The following PRDM16 variants were observed in gnomAD, a reference collection of about 807,000 sequenced individuals.
The protein encoded by PRDM16 is PR/SET domain 16, also known as histone-lysine N-methyltransferase PRDM16.
Under a neutral mutation model 110.6 loss-of-function variants are expected in PRDM16, and 23 were observed. The ratio of observed to expected loss-of-function variants is 0.21; its 90% CI spans 0.15 to 0.29. The LOEUF (loss-of-function observed/expected upper bound fraction) is 0.29, where lower values mean the gene tolerates loss of function less well. Ranked by LOEUF, PRDM16 falls within the 10% of genes least tolerant of loss-of-function variation. PRDM16 has a pLI of 1.00. For synonymous variants in PRDM16, 799 were observed against 781.8 expected (o/e 1.02, Z -0.37); for missense variants, 1,615 against 1,794.3 (o/e 0.90, Z 1.81).
At chr1:3,283,240 G>C (rs978270363) in intron 3 of PRDM16, among the ~76,000 whole-genome samples, 2 of 152,164 alleles carry the variant, frequency 1.3e-5, no homozygotes, top group Non-Finnish European at 2.9e-5. Flanking sequence ...TTAGAGGCGG[G>C]GCTGTCCCTG....
intron 1 of PRDM16, among the ~76,000 whole-genome samples, chr1:3,161,822 T>C (rs957709866): frequency 8.5e-5 from 13 of 152,212 alleles, no homozygotes; most frequent in African/African-American, 3.1e-4. Flanking sequence ...CAGGATCTGG[T>C]GCGCCTGTCT....
chr1:3,088,642 T>C (rs1018105906), intron 1 of PRDM16, among the ~76,000 whole-genome samples: 1 of 150,932 alleles, frequency 6.6e-6, no homozygotes, highest in Admixed American at 6.6e-5. Flanking sequence ...ATTTTTTGTA[T>C]TTTTTAGTAG....
intron 1 of PRDM16, among the ~76,000 whole-genome samples, chr1:3,100,407 C>T (rs771656031): frequency 2.0e-5 from 3 of 152,208 alleles, no homozygotes; most frequent in African/African-American, 4.8e-5. Flanking sequence ...CATCCTTGGC[C>T]GTGGGTGGTG....
rs1479488678 is a variant in PRDM16, at chr1:3,181,667, GTC to G, written c.38-4456_38-4455del. Among the ~76,000 whole-genome samples, 8 of 99,774 alleles carry G rather than the reference GTC, an allele frequency of 8.0e-5. 1 individual carries two copies. Among genetic ancestry groups the G allele is most frequent in the Admixed American group, 6.2e-4 (6 of 9,676 alleles). 65.5% of individuals were successfully genotyped at this position (99,774 alleles called of 152,430 possible). On this transcript the variant is annotated intron_variant, in intron 1 of 16. Coordinates refer to ENST00000270722, the MANE Select transcript of PRDM16 (RefSeq NM_022114.4). Reference sequence around the variant, plus strand: ...ACGGTCTTACACACGGTCTTACACAGTCTTACACGCGCAGTCTTACACACGGT... The same window carrying G: ...ACGGTCTTACACACGGTCTTACACAGTTACACGCGCAGTCTTACACACGGT...
chr1:3,139,008 G>T (rs576447085), intron 1 of PRDM16, among the ~76,000 whole-genome samples: 31 of 152,292 alleles, frequency 2.0e-4, no homozygotes, highest in Admixed American at 5.2e-4. Context: ...TTGACCTTTG[G>T]GATAAGATAA....
At chr1:3,180,162 CTGTTTTT>C (rs1031445650) in intron 1 of PRDM16, among the ~76,000 whole-genome samples, 13 of 152,004 alleles carry the variant, frequency 8.6e-5, no homozygotes, top group African/African-American at 1.4e-4. Context: ...TCTGTTGTTT[CTGTTTTT>C]TGTTTTTTGT....
In PRDM16 at chr1:3,431,091, C is replaced by T. The variant is rs764180797; in HGVS notation, c.3504C>T (p.Gly1168=). 1 of 1,551,406 alleles carries T rather than the reference C, an allele frequency of 6.4e-7. No homozygotes were observed. Among genetic ancestry groups the T allele is most frequent in the East Asian group, 2.4e-5 (1 of 41,186 alleles). ...DEEPAASLAV[G]FDHTRRCAED... is the part of the protein sequence containing the mutation. ...AGCCAGCCGCCTCCCTGGCCGTGGGCTTTGACCACACCCGAAGGTGGGGGC... is the reference window on the plus strand; with the variant it reads ...AGCCAGCCGCCTCCCTGGCCGTGGGTTTTGACCACACCCGAAGGTGGGGGC... The change falls in exon 15 of 17, where the codon GGC becomes GGT. Residue 1168 remains glycine (G), a synonymous_variant. Transcript: ENST00000270722.
rs140031580 is a variant in PRDM16, at chr1:3,079,830, G to T, written c.37+10534G>T. On this transcript the variant is annotated intron_variant, in intron 1 of 16. Coordinates refer to ENST00000270722, the MANE Select transcript of PRDM16 (RefSeq NM_022114.4). ...ACCTGCAGGCAAGCGTGCTTCTGAG[G>T]TTGGCCTGAGAGGGCCCGCCAAGCT... Among the ~76,000 whole-genome samples, 274 of 152,332 alleles carry T rather than the reference G, an allele frequency of 1.8e-3. 1 individual carries two copies. The highest frequency in any genetic ancestry group is 6.3e-3 in the African/African-American group (262 of 41,578).
chr1:3,095,678 C>A (rs901406453), intron 1 of PRDM16, among the ~76,000 whole-genome samples: 1 of 152,166 alleles, frequency 6.6e-6, no homozygotes, highest in African/African-American at 2.4e-5. Context: ...GACGCAGCCT[C>A]ACAGTGTGTG....
At chr1:3,373,619 G>A (rs928538360) in intron 3 of PRDM16, among the ~76,000 whole-genome samples, 1 of 152,224 alleles carries the variant, frequency 6.6e-6, no homozygotes, top group African/African-American at 2.4e-5. Context: ...ATCCACCCCT[G>A]GGGTCCCTCC....
chr1:3,226,716 AT>A (rs888930340), intron 2 of PRDM16, among the ~76,000 whole-genome samples: 6 of 152,154 alleles, frequency 3.9e-5, no homozygotes, highest in Non-Finnish European at 8.8e-5. Flanking sequence ...AGGGGCCTGG[AT>A]GCAAGAGGAA....
chr1:3,387,376 A>G (rs1285333441), intron 4 of PRDM16, among the ~76,000 whole-genome samples: 4 of 152,240 alleles, frequency 2.6e-5, no homozygotes, highest in Non-Finnish European at 1.5e-5. Flanking sequence ...AATTAAAGCC[A>G]CAAACCCAGA....
Position 3,204,026 on chromosome 1 carries a change from G to A in PRDM16, c.387+17552G>A, listed in dbSNP as rs145454192. ...CTGCGGACTCGAAGGGGACCACACC[G>A]GGATTAGGAAGGGAGGTGTATAGGT... On this transcript the variant is annotated intron_variant, in intron 2 of 16. Coordinates refer to ENST00000270722, the MANE Select transcript of PRDM16 (RefSeq NM_022114.4). 2.8e-4 allele frequency among the ~76,000 whole-genome samples: 43 copies of A among 152,316 alleles called. 1 individual carries two copies. The East Asian group carries it at 7.3e-3, about 26-fold the overall frequency.
At chr1:3,108,324 G>A (rs1264545419) in intron 1 of PRDM16, among the ~76,000 whole-genome samples, 2 of 152,224 alleles carry the variant, frequency 1.3e-5, no homozygotes. Context: ...TTTTATGTAT[G>A]GTGTGAGGTA....
At chr1:3,335,641 A>ACACACACCCC (rs763183715) in intron 3 of PRDM16, among the ~76,000 whole-genome samples, 1 of 146,394 alleles carries the variant, frequency 6.8e-6, no homozygotes, top group African/African-American at 2.5e-5. Context: ...ACACACACAC[A>ACACACACCCC]CCCTTGGACA....
chr1:3,295,750 C>T (rs2500291), intron 3 of PRDM16, among the ~76,000 whole-genome samples: 69,588 of 151,940 alleles, frequency 0.46, 16,855 homozygotes, highest in Admixed American at 0.53. Context: ...TTTTTTCTTC[C>T]GAATTCTTCC....
chr1:3,328,117 C>G (rs974207064), intron 3 of PRDM16, among the ~76,000 whole-genome samples: 1 of 152,226 alleles, frequency 6.6e-6, no homozygotes, highest in African/African-American at 2.4e-5. Context: ...AGAGGCGAGG[C>G]CCCTGCCGGG....
intron 3 of PRDM16, among the ~76,000 whole-genome samples, chr1:3,365,961 TGCACACACAC>T (rs1211052676): frequency 6.6e-6 from 1 of 151,082 alleles, no homozygotes; most frequent in Non-Finnish European, 1.5e-5. Flanking sequence ...CATGCACACA[TGCACACACAC>T]GCACACACGC....
chr1:3,117,348 A>G (rs889852949), intron 1 of PRDM16, among the ~76,000 whole-genome samples: 1 of 152,282 alleles, frequency 6.6e-6, no homozygotes, highest in East Asian at 1.9e-4. Flanking sequence ...TAGACCGTGC[A>G]GGGATGGGGC....
Sources: allele counts gnomAD v4.1 joint callset (sites outside exome capture counted in the v4.1 genomes callset), GRCh38; gene constraint gnomAD v4.1.1; transcripts MANE v1.5; gene names NCBI Gene and HGNC (gene_info 2026-07-23, HGNC 2026-07-21).